SETD5: variants seen among roughly 807,000 people sequenced by gnomAD.
SETD5 encodes SET domain containing 5, also known as histone-lysine N-methyltransferase SETD5.
A neutral mutation model predicts 153.3 loss-of-function variants in SETD5; 44 were observed. The observed-to-expected ratio is 0.29, with a 90% confidence interval of 0.23 to 0.37. SETD5 has a LOEUF of 0.37. Ranked by LOEUF, SETD5 falls within the 10% of genes least tolerant of loss-of-function variation. The probability of loss-of-function intolerance (pLI) is 1.00; values close to 1 mark genes in which losing one functional copy is unlikely to be tolerated. For missense variants in SETD5, 1,544 were observed against 1,768.0 expected (o/e 0.87, Z 2.27); for synonymous variants, 716 against 645.2 (o/e 1.11, Z -1.66).
intron 17 of SETD5, among the ~76,000 whole-genome samples, chr3:9,457,500 A>G (rs1477315067): frequency 5.3e-5 from 8 of 151,054 alleles, no homozygotes; most frequent in Non-Finnish European, 1.2e-4. Context: ...AAATATATAT[A>G]TATACTAATA....
intron 12 of SETD5, 92 bp downstream of exon 12, chr3:9,445,392 A>G (rs1456357005): frequency 8.1e-6 from 11 of 1,351,426 alleles, no homozygotes; most frequent in African/African-American, 1.4e-5. Context: ...TAGGGGAGCT[A>G]TAGTAACACT....
At chr3:9,400,488 G>A (rs1033072131) in intron 1 of SETD5, among the ~76,000 whole-genome samples, 2 of 151,928 alleles carry the variant, frequency 1.3e-5, no homozygotes, top group African/African-American at 4.8e-5. Context: ...CCATCCTTTC[G>A]ATTAGACCAC....
At chr3:9,458,494 G>A (rs780068471) in intron 17 of SETD5, among the ~76,000 whole-genome samples, 1 of 152,100 alleles carries the variant, frequency 6.6e-6, no homozygotes, top group Non-Finnish European at 1.5e-5. Context: ...TGGGTTGCCT[G>A]TAGCCTTAAG....
intron 3 of SETD5, 112 bp from the exon 4 acceptor site, chr3:9,433,733 C>T: frequency 9.0e-7 from 1 of 1,112,048 alleles, no homozygotes; most frequent in Non-Finnish European, 1.3e-6. Context: ...TTTCTCTTAT[C>T]CTAGTGGCTA....
Position 9,447,440 on chromosome 3 carries a change from A to C in SETD5, c.1782+133A>C. 2.3e-6 allele frequency: 3 copies of C among 1,295,254 alleles called. No individual in the cohort carries two copies. In the South Asian group the frequency reaches 4.4e-5, roughly 19 times the overall value. 80.2% of individuals were successfully genotyped at this position (1,295,254 alleles called of 1,614,324 possible). On this transcript the variant is annotated intron_variant, in intron 14 of 22. Transcript: ENST00000402198. ...CAATAAATAAGGCCATTAACTGTTT[A>C]ACTGGAACCATTTCATTGGCCTATT...
At chr3:9,460,601 A>G (rs982836281) in intron 17 of SETD5, among the ~76,000 whole-genome samples, 3 of 152,174 alleles carry the variant, frequency 2.0e-5, no homozygotes, top group African/African-American at 7.2e-5. Flanking sequence ...ATAAGTGGAA[A>G]GAATAACATT....
intron 17 of SETD5, among the ~76,000 whole-genome samples, chr3:9,454,642 A>C (rs1358787305): frequency 6.6e-6 from 1 of 151,312 alleles, no homozygotes; most frequent in South Asian, 2.1e-4. Context: ...AAAAAAAAAA[A>C]AAAAAAAACA....
In SETD5 at chr3:9,431,615, G is replaced by A. The variant is rs137942849; in HGVS notation, c.72-2230G>A. ...TTAAATTTTATATTTGGCATGCACA[G>A]CAATATATTAAATGCTGTGCTTAAC... On this transcript the variant is annotated intron_variant, in intron 3 of 22. Coordinates refer to ENST00000402198, the MANE Select transcript of SETD5 (RefSeq NM_001080517.3). 95 of 985,516 alleles carry A rather than the reference G, an allele frequency of 9.6e-5. No homozygotes were observed. In the Middle Eastern group the frequency reaches 1.6e-3, roughly 16 times the overall value. 61.0% of individuals were successfully genotyped at this position (985,516 alleles called of 1,614,324 possible).
In SETD5 at chr3:9,447,250, C is replaced by T. The variant is rs1188196616; in HGVS notation, c.1725C>T (p.Thr575=). 6.2e-7 allele frequency: 1 copy of T among 1,614,014 alleles called. No individual in the cohort carries two copies. The highest frequency in any genetic ancestry group is 8.5e-7 in the Non-Finnish European group (1 of 1,179,878). The part of the protein sequence containing the change: ...SEVSNSVSNV[T]IPSTPQSVGV... ...TTAGCAACTCTGTTTCAAATGTTAC[C>T]ATCCCAAGCACCCCACAGAGTGTTG... The change falls in exon 14 of 23, where the codon ACC becomes ACT. Residue 575 remains threonine, a synonymous_variant. Coordinates refer to ENST00000402198, the MANE Select transcript of SETD5 (RefSeq NM_001080517.3).
At chr3:9,414,717 A>G (rs1434411278) in intron 1 of SETD5, among the ~76,000 whole-genome samples, 1 of 152,168 alleles carries the variant, frequency 6.6e-6, no homozygotes, top group Non-Finnish European at 1.5e-5. Context: ...TTAAACTTAG[A>G]AGAAAAAACA....
At chr3:9,416,307 G>A (rs1051902602) in intron 1 of SETD5, among the ~76,000 whole-genome samples, 2 of 152,108 alleles carry the variant, frequency 1.3e-5, no homozygotes, top group Non-Finnish European at 2.9e-5. Context: ...CTTATCTTTA[G>A]TACACAGATT....
chr3:9,475,470 C>T lies in SETD5; in HGVS notation c.3721-13C>T, dbSNP rs1370298145. 2 of 1,597,874 alleles carry T rather than the reference C, an allele frequency of 1.3e-6. No homozygotes were observed. Among genetic ancestry groups the T allele is most frequent in the African/African-American group, 2.7e-5 (2 of 74,398 alleles). On this transcript the variant is annotated splice_polypyrimidine_tract_variant and intron_variant, in intron 22 of 22. Coordinates refer to ENST00000402198, the MANE Select transcript of SETD5 (RefSeq NM_001080517.3). ...GTTCGCGTCCTTATTCGTTTCCTCCCAACTTTGTCTAGCTCCTGCAGTGTG... is the reference window on the plus strand; with the variant it reads ...GTTCGCGTCCTTATTCGTTTCCTCCTAACTTTGTCTAGCTCCTGCAGTGTG...
chr3:9,469,931 C>G (rs577891407), intron 18 of SETD5, among the ~76,000 whole-genome samples: 68 of 152,250 alleles, frequency 4.5e-4, no homozygotes, highest in African/African-American at 1.5e-3. Context: ...TAATGCCATC[C>G]TCCTTTACTG....
At chr3:9,448,035 C>A in intron 15 of SETD5, 29 bp downstream of exon 15, 2 of 1,591,536 alleles carry the variant, frequency 1.3e-6, no homozygotes, top group South Asian at 1.1e-5. Context: ...CTTTATAAGT[C>A]CAGTCTGGCA....
At chr3:9,432,161 G>A (rs555254591) in intron 3 of SETD5, 1 of 301,774 alleles carries the variant, frequency 3.3e-6, no homozygotes, top group African/African-American at 2.3e-5. Flanking sequence ...CTGCATTCTT[G>A]ATGTACCCCT....
intron 3 of SETD5, chr3:9,430,741 G>T: frequency 1.3e-6 from 1 of 770,960 alleles, no homozygotes; most frequent in Non-Finnish European, 1.6e-6. Context: ...TCTTACAATT[G>T]GTGTTTTCCC....
intron 18 of SETD5, among the ~76,000 whole-genome samples, chr3:9,467,390 C>T (rs2125540964): frequency 6.6e-6 from 1 of 151,884 alleles, no homozygotes; most frequent in Non-Finnish European, 1.5e-5. Flanking sequence ...AGAGTGGAAG[C>T]AACATTGGGA....
In SETD5 at chr3:9,425,135, C is replaced by T. The variant is rs536787327; in HGVS notation, c.-117+609C>T. On this transcript the variant is annotated intron_variant, in intron 2 of 22. Coordinates refer to ENST00000402198, the MANE Select transcript of SETD5 (RefSeq NM_001080517.3). ...GAAGTGCAATGGTACAGTCTTGACT[C>T]ACTGCAACCTCCGGCTCCCGGGTTC... 3.6e-4 allele frequency among the ~76,000 whole-genome samples: 49 copies of T among 135,512 alleles called. No homozygotes were observed. In the South Asian group the frequency reaches 9.7e-3, roughly 27 times the overall value. The allele number at this position is 135,512 out of a possible 152,430, so 88.9% of individuals were successfully genotyped here. A position where few individuals can be genotyped will look rare whatever the true frequency, so the allele number is the denominator to read the frequency against.
intron 1 of SETD5, among the ~76,000 whole-genome samples, chr3:9,415,833 G>T (rs146153969): frequency 6.7e-6 from 1 of 150,218 alleles, no homozygotes; most frequent in Non-Finnish European, 1.5e-5. Flanking sequence ...CAAAGCGCTA[G>T]GATACAGGTG....
Sources: gnomAD v4.1 joint callset for allele counts (sites outside exome capture counted in the v4.1 genomes callset) on GRCh38, gnomAD v4.1.1 for gene constraint, MANE v1.5 for transcripts, NCBI Gene and HGNC (gene_info 2026-07-23, HGNC 2026-07-21) for gene names.